Variants in OPN5 observed in about 807,000 individuals in gnomAD.
OPN5 encodes the protein opsin 5.
A neutral mutation model predicts 41.7 loss-of-function variants in OPN5; 18 were observed. The ratio of observed to expected loss-of-function variants is 0.43; its 90% CI spans 0.30 to 0.64. The LOEUF is 0.64. OPN5 is among the 30% of genes least tolerant of loss of function. OPN5 has a pLI of 0.13. For synonymous variants in OPN5, 178 were observed against 164.3 expected (o/e 1.08, Z -0.64); for missense variants, 318 against 434.5 (o/e 0.73, Z 2.38).
chr6:47,801,697 A>T (rs1305595553), intron 4 of OPN5, among the ~76,000 whole-genome samples: 2 of 152,192 alleles, frequency 1.3e-5, no homozygotes, highest in Non-Finnish European at 2.9e-5. Context: ...TTCTTGGAAC[A>T]TATCACAATT....
At chr6:47,813,020 G>C (rs773012721) in intron 6 of OPN5, among the ~76,000 whole-genome samples, 43 of 152,024 alleles carry the variant, frequency 2.8e-4, no homozygotes, top group South Asian at 6.3e-4. Flanking sequence ...TGTGTCACTG[G>C]TTTAAGATAA....
At chr6:47,823,643 T>G (rs1252462374) in intron 6 of OPN5, 1 of 418,950 alleles carries the variant, frequency 2.4e-6, no homozygotes, top group African/African-American at 2.0e-5. Context: ...CTGCAAGGCC[T>G]TACAGGTTAG....
At chr6:47,808,926 T>C (rs1240212143) in intron 5 of OPN5, among the ~76,000 whole-genome samples, 1 of 152,178 alleles carries the variant, frequency 6.6e-6, no homozygotes, top group Non-Finnish European at 1.5e-5. Flanking sequence ...GAAGAAGAAA[T>C]TGAGGTTCAA....
At chr6:47,799,903 G>A (rs1394127813) in intron 4 of OPN5, among the ~76,000 whole-genome samples, 1 of 152,040 alleles carries the variant, frequency 6.6e-6, no homozygotes, top group East Asian at 1.9e-4. Context: ...TAATCTTAAT[G>A]CCCTGAGTCC....
Position 47,819,354 on chromosome 6 carries a change from A to ATATATATATATATATATATAAAT in OPN5, c.1057-4629_1057-4628insTATATATATATATATATATAAAT, listed in dbSNP as rs1389298718. ...AATTAGGAATATATATATATATATA[A>ATATATATATATATATATATAAAT]AAAATATATTACCGTATAAGTAGAA... is the stretch of plus-strand genomic sequence containing the variant. On this transcript the variant is annotated intron_variant, in intron 6 of 6. Coordinates refer to ENST00000371211, the Ensembl canonical transcript of OPN5. Among the ~76,000 whole-genome samples, 22 of 59,054 alleles carry ATATATATATATATATATATAAAT rather than the reference A, an allele frequency of 3.7e-4. 3 individuals are homozygous for ATATATATATATATATATATAAAT. The highest frequency in any genetic ancestry group is 9.4e-4 in the African/African-American group (19 of 20,224). The allele number at this position is 59,054 out of a possible 152,430, so 38.7% of individuals were successfully genotyped here.
intron 4 of OPN5, among the ~76,000 whole-genome samples, chr6:47,797,701 TC>T (rs1157377907): frequency 6.6e-6 from 1 of 152,192 alleles, no homozygotes; most frequent in Non-Finnish European, 1.5e-5. Flanking sequence ...CTTCTTGCCA[TC>T]CCCCTCACCT....
chr6:47,823,154 G>A (rs956320590), intron 6 of OPN5, among the ~76,000 whole-genome samples: 2 of 152,204 alleles, frequency 1.3e-5, no homozygotes, highest in African/African-American at 4.8e-5. Context: ...GATGTTGAAT[G>A]AGACACAAAT....
intron 4 of OPN5, among the ~76,000 whole-genome samples, chr6:47,801,545 A>G (rs1035703849): frequency 4.6e-5 from 7 of 152,148 alleles, no homozygotes; most frequent in African/African-American, 1.7e-4. Flanking sequence ...GTTGAACTGT[A>G]TTGCTTTAAA....
At position 47,795,693 on chromosome 6, in the gene OPN5, G is replaced by C. The variant is rs1773534537; in HGVS notation, c.756+130G>C. ...TCTTTACGTAATTCTGAACTTCGTTGATGATTGTCTAAGCCTTTCTTTGTG... is the reference window on the plus strand; with the variant it reads ...TCTTTACGTAATTCTGAACTTCGTTCATGATTGTCTAAGCCTTTCTTTGTG... On this transcript the variant is annotated intron_variant, in intron 4 of 6. Transcript: ENST00000371211. 6.2e-6 allele frequency: 4 copies of C among 648,126 alleles called. No individual in the cohort carries two copies. The Admixed American group carries it at 1.1e-4, about 18-fold the overall frequency. The allele number at this position is 648,126 out of a possible 1,614,324, so 40.1% of individuals were successfully genotyped here. A position where few individuals can be genotyped will look rare whatever the true frequency, so the allele number is the denominator to read the frequency against.
intron 2 of OPN5, chr6:47,787,254 A>T: frequency 6.0e-6 from 4 of 661,170 alleles, no homozygotes; most frequent in Non-Finnish European, 7.5e-6. Context: ...TTACCTGGGC[A>T]TCAGGATATT....
rs1329790366 is a variant in OPN5, at chr6:47,811,732, G to A, written c.1056+1G>A. 6 of 1,605,436 alleles carry A rather than the reference G, an allele frequency of 3.7e-6. No homozygotes were observed. The highest frequency in any genetic ancestry group is 4.3e-6 in the Non-Finnish European group (5 of 1,172,600). On this transcript the variant is annotated splice_donor_variant, in intron 6 of 6. Coordinates refer to ENST00000371211, the Ensembl canonical transcript of OPN5. LOFTEE classifies it high-confidence loss of function. ...TGCTGTGCTGGAAATTCATGAAGAG[G>A]TATGAAGATGGATACAGCATCACTA...
intron 2 of OPN5, chr6:47,787,275 A>G (rs1773221102): frequency 2.0e-6 from 1 of 501,660 alleles, no homozygotes; most frequent in Non-Finnish European, 2.6e-6. Context: ...TAAAATGAGA[A>G]TCTACAGGTA....
At chr6:47,806,565 A>G (rs1014783621) in intron 4 of OPN5, among the ~76,000 whole-genome samples, 4 of 152,136 alleles carry the variant, frequency 2.6e-5, no homozygotes, top group African/African-American at 9.6e-5. Context: ...TCTACCTTCT[A>G]TTTTTTTCTA....
rs760262616 is a variant in OPN5, at chr6:47,791,775, C to T, written c.251-27C>T. 5.0e-6 allele frequency: 8 copies of T among 1,610,378 alleles called. 1 individual carries two copies. The South Asian group carries it at 8.8e-5, about 18-fold the overall frequency. The stretch of plus-strand genomic sequence containing the variant: ...GGGGAAATAGTAACCAGAGGAACGT[C>T]TGTTGACAAGTCACTTGGTGCTCTA... On this transcript the variant is annotated intron_variant, in intron 2 of 6. Transcript: ENST00000371211.
chr6:47,795,587 A>T, intron 4 of OPN5, 24 bp downstream of exon 4: 1 of 1,541,378 alleles, frequency 6.5e-7, no homozygotes, highest in Non-Finnish European at 9.0e-7. Context: ...TATTTTACAC[A>T]TGTGTTTTCT....
intron 6 of OPN5, among the ~76,000 whole-genome samples, chr6:47,822,335 G>T (rs1408631550): frequency 2.0e-5 from 3 of 152,106 alleles, no homozygotes; most frequent in African/African-American, 7.2e-5. Context: ...GTTATTCATT[G>T]AATGTGGATG....
intron 6 of OPN5, among the ~76,000 whole-genome samples, chr6:47,813,874 C>T (rs568088160): frequency 1.3e-5 from 2 of 152,006 alleles, no homozygotes; most frequent in Non-Finnish European, 2.9e-5. Flanking sequence ...ATGTAGATAA[C>T]GGTGTCTACC....
intron 1 of OPN5, among the ~76,000 whole-genome samples, chr6:47,785,308 C>T (rs1773168065): frequency 6.6e-6 from 1 of 152,116 alleles, no homozygotes; most frequent in African/African-American, 2.4e-5. Flanking sequence ...TCCGTAATCT[C>T]TTTTATTTTT....
chr6:47,820,008 C>T (rs1393121933), intron 6 of OPN5, among the ~76,000 whole-genome samples: 2 of 152,126 alleles, frequency 1.3e-5, no homozygotes, highest in African/African-American at 4.8e-5. Context: ...CAAATCTGGC[C>T]CACTGCTCAG....
Sources: gnomAD v4.1 joint callset for allele counts (sites outside exome capture counted in the v4.1 genomes callset) on GRCh38, gnomAD v4.1.1 for gene constraint, MANE v1.5 for transcripts, NCBI Gene and HGNC (gene_info 2026-07-23, HGNC 2026-07-21) for gene names.